Variants in SV2C observed in about 807,000 individuals in gnomAD.
The protein encoded by SV2C is synaptic vesicle glycoprotein 2C.
Under a neutral mutation model 79.7 loss-of-function variants are expected in SV2C, and 49 were observed. The observed-to-expected ratio is 0.61, with a 90% CI of 0.49 to 0.78. The LOEUF (loss-of-function observed/expected upper bound fraction) is 0.78. SV2C is among the 30% of genes least tolerant of loss of function. SV2C has a pLI of 0.00. For missense variants in SV2C, 833 were observed against 912.9 expected, an observed-to-expected ratio of 0.91 and a Z score of 1.13; for synonymous variants, 334 against 333.2, an observed-to-expected ratio of 1.00 and a Z score of -0.03.
At chr5:75,923,343 C>T in the SV2C span, among the ~76,000 whole-genome samples, 8 of 152,072 alleles carry the variant, frequency 5.3e-5, no homozygotes, top group East Asian at 1.5e-3. Context: ...CAGAAAAGCT[C>T]TCTGGACATT....
At chr5:76,262,039 C>T (rs895352960) in intron 4 of SV2C, among the ~76,000 whole-genome samples, 2 of 152,110 alleles carry the variant, frequency 1.3e-5, no homozygotes, top group African/African-American at 2.4e-5. Context: ...CTCTTTGTAC[C>T]TCTGATAGAA....
the SV2C span, among the ~76,000 whole-genome samples, chr5:75,964,796 C>G: frequency 6.6e-6 from 1 of 152,096 alleles, no homozygotes; most frequent in Non-Finnish European, 1.5e-5. Context: ...TATTCTTTTA[C>G]TACCATATTA....
chr5:76,060,692 G>T, the SV2C span, among the ~76,000 whole-genome samples: 1 of 151,956 alleles, frequency 6.6e-6, no homozygotes, highest in South Asian at 2.1e-4. Flanking sequence ...AGGCTGCTTT[G>T]CTTTCTTATC....
intron 6 of SV2C, among the ~76,000 whole-genome samples, chr5:76,290,920 A>G (rs1747540813): frequency 6.6e-6 from 1 of 152,326 alleles, no homozygotes; most frequent in African/African-American, 2.4e-5. Flanking sequence ...TTGTCTGCTA[A>G]TGTGTGTCTC....
At chr5:76,303,266 G>A (rs1196687591) in intron 12 of SV2C, among the ~76,000 whole-genome samples, 1 of 152,154 alleles carries the variant, frequency 6.6e-6, no homozygotes, top group Non-Finnish European at 1.5e-5. Context: ...CTTTGTGAAC[G>A]AGGTCCTGCC....
chr5:76,344,900 CAG>C (rs1749510558), intron 12 of SV2C, among the ~76,000 whole-genome samples: 1 of 152,134 alleles, frequency 6.6e-6, no homozygotes, highest in South Asian at 2.1e-4. Flanking sequence ...AACTGACACT[CAG>C]GGAATTTAAA....
chr5:75,971,857 C>T, the SV2C span, among the ~76,000 whole-genome samples: 1 of 151,968 alleles, frequency 6.6e-6, no homozygotes, highest in South Asian at 2.1e-4. Context: ...AAAAAGAGCC[C>T]ACATTGCCAA....
intron 1 of SV2C, among the ~76,000 whole-genome samples, chr5:76,096,397 C>T (rs1286561904): frequency 6.6e-6 from 1 of 152,156 alleles, no homozygotes; most frequent in Non-Finnish European, 1.5e-5. Context: ...CTGCTTACAT[C>T]AACCACTTTA....
chr5:76,063,459 T>C, the SV2C span, among the ~76,000 whole-genome samples: 1 of 152,270 alleles, frequency 6.6e-6, no homozygotes, highest in South Asian at 2.1e-4. Context: ...GTCTGGCTCT[T>C]TGAAGGCAGC....
At chr5:76,272,894 G>A (rs1746914633) in intron 4 of SV2C, among the ~76,000 whole-genome samples, 3 of 151,864 alleles carry the variant, frequency 2.0e-5, no homozygotes, top group South Asian at 4.1e-4. Context: ...TAATATAATA[G>A]TTTATATATA....
At chr5:75,901,955 G>A in the SV2C span, among the ~76,000 whole-genome samples, 18 of 152,310 alleles carry the variant, frequency 1.2e-4, no homozygotes, top group Admixed American at 1.0e-3. Context: ...CGCAGTATTC[G>A]GGTGGGAGTG....
At chr5:76,289,098 G>A (rs998151370) in intron 6 of SV2C, among the ~76,000 whole-genome samples, 1 of 151,992 alleles carries the variant, frequency 6.6e-6, no homozygotes. Context: ...TGTTGTCCAG[G>A]CTGGTCTCAA....
rs115762384 is a variant in SV2C, at chr5:76,177,364, C to T, written c.581-17555C>T. On this transcript the variant is annotated intron_variant, in intron 2 of 12. Coordinates refer to ENST00000502798, the MANE Select transcript of SV2C (RefSeq NM_014979.4). ...AGGACCCGCTAGTGATACCTAGAAT[C>T]GCAGATAGTACCGTCCCCTATATAT... is the stretch of plus-strand genomic sequence containing the variant. 7.8e-3 allele frequency among the ~76,000 whole-genome samples: 1,184 copies of T among 151,572 alleles called. 14 individuals are homozygous for T. The highest frequency in any genetic ancestry group is 0.027 in the African/African-American group (1,132 of 41,374).
At chr5:76,289,677 CCTT>C (rs1554045523) in intron 6 of SV2C, among the ~76,000 whole-genome samples, 1 of 152,240 alleles carries the variant, frequency 6.6e-6, no homozygotes, top group Non-Finnish European at 1.5e-5. Context: ...CTTCTACTAT[CCTT>C]CAGGAATCGC....
rs562968075 is a variant in SV2C at position 76,204,044 on chromosome 5, GT to G, written c.762-5690del. 7.2e-5 allele frequency among the ~76,000 whole-genome samples: 11 copies of G among 152,324 alleles called. No homozygotes were observed. The South Asian group carries it at 8.3e-4, about 11-fold the overall frequency. The stretch of plus-strand genomic sequence containing the variant: ...CCAACCTAGCCTATTCAGAAAGAGT[GT>G]TAGGTGTGTGCTCTTTCATCTAAGC... On this transcript the variant is annotated intron_variant, in intron 3 of 12. Transcript: ENST00000502798.
the SV2C span, among the ~76,000 whole-genome samples, chr5:76,029,476 A>G: frequency 1.3e-5 from 2 of 152,234 alleles, no homozygotes; most frequent in Admixed American, 6.5e-5. Context: ...GAGGTGGGAT[A>G]CAGTCATCTG....
the SV2C span, among the ~76,000 whole-genome samples, chr5:75,934,298 C>CTTTCT: frequency 1.1e-5 from 1 of 87,586 alleles, no homozygotes; most frequent in African/African-American, 6.6e-5. Context: ...TTTTTTCTTT[C>CTTTCT]TTTCTTTTTT....
the SV2C span, among the ~76,000 whole-genome samples, chr5:75,930,783 G>A: frequency 2.0e-5 from 3 of 152,254 alleles, no homozygotes; most frequent in African/African-American, 4.8e-5. Context: ...AGAATAATAC[G>A]TTAGATCTTT....
chr5:76,272,327 A>AT lies in SV2C; in HGVS notation c.914-12834dup, dbSNP rs144662482. On this transcript the variant is annotated intron_variant, in intron 4 of 12. Transcript: ENST00000502798. Reference sequence around the variant, plus strand: ...GAATTTTTGTATTGTTATCACAAAAATCTTCTAGGAATAAACAGAGAGCTT... The same window carrying AT: ...GAATTTTTGTATTGTTATCACAAAAATTCTTCTAGGAATAAACAGAGAGCTT... Among the ~76,000 whole-genome samples the AT allele has an allele frequency of 7.1e-3, 1,088 of 152,342 alleles. 11 individuals are homozygous for AT. Among genetic ancestry groups the AT allele is most frequent in the African/African-American group, 0.025 (1,025 of 41,562 alleles).
Sources: gnomAD v4.1 joint callset for allele counts (sites outside exome capture counted in the v4.1 genomes callset) on GRCh38, gnomAD v4.1.1 for gene constraint, MANE v1.5 for transcripts, NCBI Gene and HGNC (gene_info 2026-07-23, HGNC 2026-07-21) for gene names.